THSD7A: variants seen among roughly 807,000 people sequenced by gnomAD.
THSD7A encodes thrombospondin type-1 domain-containing protein 7A.
Under a neutral mutation model 231.3 loss-of-function variants are expected in THSD7A, and 96 were observed. That is an observed-to-expected ratio of 0.41 (90% confidence interval 0.35 to 0.49). The LOEUF (loss-of-function observed/expected upper bound fraction) is 0.49, where lower values mean the gene tolerates loss of function less well. Among genes scored for constraint, THSD7A ranks in the 20% least tolerant of loss-of-function variants. The pLI is 0.05. For missense variants in THSD7A, 2,290 were observed against 2,070.2 expected, an observed-to-expected ratio of 1.11 and a Z score of -2.06; for synonymous variants, 940 against 743.3, an observed-to-expected ratio of 1.26 and a Z score of -4.30.
intron 1 of THSD7A, among the ~76,000 whole-genome samples, chr7:11,705,233 C>T (rs935441972): frequency 1.3e-5 from 2 of 150,842 alleles, no homozygotes; most frequent in African/African-American, 4.9e-5. Flanking sequence ...AATAAAAAGC[C>T]TCATTATAAT....
At chr7:11,790,379 C>T (rs1414395535) in intron 1 of THSD7A, among the ~76,000 whole-genome samples, 1 of 151,816 alleles carries the variant, frequency 6.6e-6, no homozygotes, top group Non-Finnish European at 1.5e-5. Flanking sequence ...TTTGCTGTGG[C>T]TTCAGAAAAA....
At chr7:11,733,539 A>G (rs900364571) in intron 1 of THSD7A, among the ~76,000 whole-genome samples, 1 of 151,778 alleles carries the variant, frequency 6.6e-6, no homozygotes, top group Non-Finnish European at 1.5e-5. Flanking sequence ...AAAAGTGGCA[A>G]TGGGATTGAT....
Position 11,406,467 on chromosome 7 carries a change from T to C in THSD7A, c.4070A>G (p.Gln1357Arg). The change falls in exon 22 of 28, where the codon CAG (glutamine) becomes CGG (arginine). Residue 1357 changes from glutamine to arginine, a missense_variant. By Grantham distance (43) the Gln-to-Arg change is conservative. Coordinates refer to ENST00000423059, the MANE Select transcript of THSD7A (RefSeq NM_015204.3). This position sits in a 1 kb window ranked among gnomAD's most constrained non-coding sequence, Gnocchi z 4.7. ...QWSPCQVQEAQCGEGTRTRNI... is the reference protein window; with the variant it reads ...QWSPCQVQEARCGEGTRTRNI... ...CCTTGTTCTGGTCCCTTCTCCACACTGGGCCTCCTGGAATGGAGGAAGAAA... is the reference window on the plus strand; with the variant it reads ...CCTTGTTCTGGTCCCTTCTCCACACCGGGCCTCCTGGAATGGAGGAAGAAA... 6.2e-7 allele frequency: 1 copy of C among 1,606,974 alleles called. No homozygotes were observed.
intron 1 of THSD7A, among the ~76,000 whole-genome samples, chr7:11,719,521 C>G (rs1781271754): frequency 6.6e-6 from 1 of 151,566 alleles, no homozygotes; most frequent in African/African-American, 2.4e-5. Context: ...ACTTTTTTCA[C>G]TGATATCCTG....
At chr7:11,734,745 A>G (rs1781850218) in intron 1 of THSD7A, among the ~76,000 whole-genome samples, 1 of 151,952 alleles carries the variant, frequency 6.6e-6, no homozygotes, top group African/African-American at 2.4e-5. Flanking sequence ...ATATTCAGGG[A>G]TTTCAACTTT....
At chr7:11,465,500 G>A (rs2128299446) in intron 9 of THSD7A, among the ~76,000 whole-genome samples, 1 of 152,076 alleles carries the variant, frequency 6.6e-6, no homozygotes, top group Non-Finnish European at 1.5e-5. Context: ...CATTTTTTCA[G>A]ATATCTTAAG....
chr7:11,397,723 C>A (rs763107974), intron 23 of THSD7A, among the ~76,000 whole-genome samples: 1 of 152,010 alleles, frequency 6.6e-6, no homozygotes. Context: ...AACAACAACC[C>A]CATGAAAAAG....
intron 1 of THSD7A, among the ~76,000 whole-genome samples, chr7:11,765,946 C>T (rs529515380): frequency 1.1e-4 from 16 of 152,116 alleles, no homozygotes; most frequent in East Asian, 3.8e-4. Context: ...TTATCCTGTA[C>T]ACAAATCTAA....
rs140417079 is a variant in THSD7A at position 11,639,904 on chromosome 7, G to A, written c.191-2943C>T. Among the ~76,000 whole-genome samples, 623 of 152,182 alleles carry A rather than the reference G, an allele frequency of 4.1e-3. 3 individuals carry two copies. Among genetic ancestry groups the A allele is most frequent in the African/African-American group, 0.014 (590 of 41,520 alleles). ...CTGAAAATTACCTTAGACAAGATAAGGACTGGTGAAGATATCAAACTCTTA... is the reference window on the plus strand; with the variant it reads ...CTGAAAATTACCTTAGACAAGATAAAGACTGGTGAAGATATCAAACTCTTA... On this transcript the variant is annotated intron_variant, in intron 1 of 27. Transcript: ENST00000423059.
chr7:11,830,793 CA>C (rs1385856080), intron 1 of THSD7A, among the ~76,000 whole-genome samples: 2 of 152,180 alleles, frequency 1.3e-5, no homozygotes, highest in Non-Finnish European at 1.5e-5. Context: ...TTTGCAACCC[CA>C]TGACGAATAC....
intron 4 of THSD7A, among the ~76,000 whole-genome samples, chr7:11,551,605 A>C (rs2128326277): frequency 6.6e-6 from 1 of 152,292 alleles, no homozygotes; most frequent in Admixed American, 6.5e-5. Flanking sequence ...ATTGCTCAAC[A>C]TCACTATTCA....
rs1194821022 is a variant in THSD7A, at chr7:11,559,925, G to C, written c.1454-16808C>G. 4.6e-5 allele frequency among the ~76,000 whole-genome samples: 7 copies of C among 152,070 alleles called. No homozygotes were observed. In the East Asian group the frequency reaches 1.3e-3, roughly 29 times the overall value. On this transcript the variant is annotated intron_variant, in intron 4 of 27. Coordinates refer to ENST00000423059, the MANE Select transcript of THSD7A (RefSeq NM_015204.3). ...ATTGAAAAGATGTGCATACTTCTAG[G>C]TATATCCCATGGAAAACTATCAGAC...
intron 1 of THSD7A, among the ~76,000 whole-genome samples, chr7:11,786,873 A>G (rs1341251335): frequency 1.3e-5 from 2 of 152,032 alleles, no homozygotes; most frequent in African/African-American, 2.4e-5. Flanking sequence ...AACAAATTAT[A>G]CATGCTTGCT....
intron 11 of THSD7A, among the ~76,000 whole-genome samples, chr7:11,452,401 C>A (rs562930559): frequency 6.6e-6 from 1 of 152,026 alleles, no homozygotes; most frequent in South Asian, 2.1e-4. Context: ...TTTTCACTGG[C>A]AAGTTTGCCA....
chr7:11,514,235 C>T (rs1787935226), intron 6 of THSD7A, among the ~76,000 whole-genome samples: 1 of 152,034 alleles, frequency 6.6e-6, no homozygotes, highest in African/African-American at 2.4e-5. Context: ...TGTTTTGACA[C>T]ATTATATTTT....
chr7:11,435,172 A>G (rs572129439), intron 13 of THSD7A, among the ~76,000 whole-genome samples: 1 of 152,160 alleles, frequency 6.6e-6, no homozygotes, highest in East Asian at 1.9e-4. Context: ...ACGCTTTTTC[A>G]GATTCATTGA....
intron 11 of THSD7A, among the ~76,000 whole-genome samples, chr7:11,456,222 T>C (rs1444110269): frequency 6.6e-6 from 1 of 152,060 alleles, no homozygotes; most frequent in Admixed American, 6.6e-5. Context: ...TTGAGTATAA[T>C]TTATCATGTT....
intron 1 of THSD7A, among the ~76,000 whole-genome samples, chr7:11,646,900 G>C (rs1041219070): frequency 1.3e-5 from 2 of 152,038 alleles, no homozygotes; most frequent in African/African-American, 4.8e-5. Flanking sequence ...AAAAGAATAA[G>C]AGAAGGAGAA....
chr7:11,635,150 T>C (rs913499587), intron 2 of THSD7A, among the ~76,000 whole-genome samples: 1 of 152,068 alleles, frequency 6.6e-6, no homozygotes, highest in Non-Finnish European at 1.5e-5. Context: ...TCAGGGAAAT[T>C]TGTCTTATAT....
Sources: allele counts gnomAD v4.1 joint callset (sites outside exome capture counted in the v4.1 genomes callset), GRCh38; gene constraint gnomAD v4.1.1; non-coding constraint Gnocchi (gnomAD v3.1); transcripts MANE v1.5; gene names NCBI Gene and HGNC (gene_info 2026-07-23, HGNC 2026-07-21).